Variants in PKNOX2 observed in about 807,000 individuals in gnomAD.
PKNOX2 encodes homeobox protein PKNOX2.
PKNOX2 carries 14 observed loss-of-function variants against 53.1 expected under a neutral mutation model. That is an observed-to-expected ratio of 0.26 (90% CI 0.17 to 0.41). PKNOX2 has a LOEUF of 0.41. Among genes scored for constraint, PKNOX2 ranks in the 10% least tolerant of loss-of-function variants. The pLI is 1.00. For missense variants in PKNOX2, 496 were observed against 602.8 expected (o/e 0.82, Z 1.85); for synonymous variants, 257 against 242.8 (o/e 1.06, Z -0.54).
At chr11:125,232,473 C>T (rs1310169391) in intron 1 of PKNOX2, among the ~76,000 whole-genome samples, 1 of 152,212 alleles carries the variant, frequency 6.6e-6, no homozygotes, top group Non-Finnish European at 1.5e-5. Flanking sequence ...ACATGAAAAA[C>T]AGGCACAGGG....
intron 5 of PKNOX2, among the ~76,000 whole-genome samples, chr11:125,383,373 G>T (rs1345848975): frequency 6.6e-6 from 1 of 151,266 alleles, no homozygotes. Flanking sequence ...ACTTTGGGAG[G>T]CCAAGGCAGG....
intron 1 of PKNOX2, among the ~76,000 whole-genome samples, chr11:125,217,276 T>C (rs1454576770): frequency 6.6e-6 from 1 of 152,114 alleles, no homozygotes; most frequent in Non-Finnish European, 1.5e-5. Context: ...TCTGGACACC[T>C]TATTAGGCTT....
intron 1 of PKNOX2, among the ~76,000 whole-genome samples, chr11:125,234,741 CT>C (rs34260061): frequency 0.28 from 42,632 of 151,998 alleles, 7,059 homozygotes; most frequent in East Asian, 0.5. Flanking sequence ...AACCATGAGG[CT>C]TTTTTTCTCC....
At chr11:125,201,683 T>G (rs1938457686) in intron 1 of PKNOX2, among the ~76,000 whole-genome samples, 1 of 152,148 alleles carries the variant, frequency 6.6e-6, no homozygotes, top group African/African-American at 2.4e-5. Context: ...TCCGACACCA[T>G]CAGGAAAGCC....
chr11:125,183,689 AAG>A lies in PKNOX2; in HGVS notation c.-201+18915_-201+18916del, dbSNP rs151009368. The stretch of plus-strand genomic sequence containing the variant: ...CTCTTTTAAATGGTCACACTAAACT[AAG>A]AAGATAAACACCATTTCTAAAGACA... On this transcript the variant is annotated intron_variant, in intron 1 of 12. Coordinates refer to ENST00000298282, the MANE Select transcript of PKNOX2 (RefSeq NM_001382323.2). 4.8e-3 allele frequency among the ~76,000 whole-genome samples: 725 copies of A among 152,088 alleles called. 1 individual carries two copies. The highest frequency in any genetic ancestry group is 7.0e-3 in the Non-Finnish European group (473 of 67,970).
chr11:125,429,120 A>C, intron 11 of PKNOX2, 32 bp downstream of exon 11: 1 of 1,565,344 alleles, frequency 6.4e-7, no homozygotes, highest in Middle Eastern at 1.7e-4. Context: ...GCAGGCTCCC[A>C]GATCCAGGGG....
intron 1 of PKNOX2, among the ~76,000 whole-genome samples, chr11:125,188,859 T>G (rs1956611984): frequency 6.6e-6 from 1 of 150,958 alleles, no homozygotes; most frequent in Admixed American, 6.6e-5. Context: ...TGCGCCGCCT[T>G]TTTTTTTTCT....
chr11:125,191,245 G>A (rs60223093), intron 1 of PKNOX2: 3 of 152,312 alleles, frequency 2.0e-5, no homozygotes, highest in South Asian at 2.1e-4. Context: ...GATGGCAGAG[G>A]CAGGATTCAA....
chr11:125,284,433 G>A (rs979982337), intron 2 of PKNOX2, among the ~76,000 whole-genome samples: 9 of 152,306 alleles, frequency 5.9e-5, no homozygotes, highest in African/African-American at 2.2e-4. Flanking sequence ...TGTGGTGCGT[G>A]TTAGCGCCAA....
At chr11:125,338,367 C>T (rs1374285379) in intron 3 of PKNOX2, among the ~76,000 whole-genome samples, 1 of 152,210 alleles carries the variant, frequency 6.6e-6, no homozygotes, top group African/African-American at 2.4e-5. Flanking sequence ...CCACAAAGCA[C>T]AGGCTCTCAC....
In PKNOX2 at chr11:125,166,141, G is replaced by A. The variant is rs914128053; in HGVS notation, c.-201+1365G>A. Reference sequence around the variant, plus strand: ...GGGGCCGATAAGTAGTTTACACGCCGGCCAGAGCAGAGGGCTGGAGGTCGG... The same window carrying A: ...GGGGCCGATAAGTAGTTTACACGCCAGCCAGAGCAGAGGGCTGGAGGTCGG... On this transcript the variant is annotated intron_variant, in intron 1 of 12. Transcript: ENST00000298282. This position sits in a 1 kb window ranked among gnomAD's most constrained non-coding sequence, Gnocchi z 4.0. Among the ~76,000 whole-genome samples the A allele has an allele frequency of 6.6e-6, 1 of 152,126 alleles. No individual in the cohort carries two copies. Among genetic ancestry groups the A allele is most frequent in the Admixed American group, 6.5e-5 (1 of 15,284 alleles).
intron 10 of PKNOX2, among the ~76,000 whole-genome samples, chr11:125,428,147 G>C (rs968819554): frequency 1.3e-5 from 2 of 152,166 alleles, no homozygotes; most frequent in Admixed American, 6.5e-5. Flanking sequence ...CAGTATCCCA[G>C]TGCCGTCATG....
rs1565519882 is a variant in PKNOX2, at chr11:125,411,496, CTCTCTCTCTCTCT to C, written c.817-249_817-237del. On this transcript the variant is annotated intron_variant, in intron 9 of 12. Transcript: ENST00000298282. ...TCTCTCTCTCTCTCTCTCTCTCTCT[CTCTCTCTCTCTCT>C]CCCCCCCTTCCCCATCTCTTCCTCC... 845 of 460,576 alleles carry C rather than the reference CTCTCTCTCTCTCT, an allele frequency of 1.8e-3. 9 individuals are homozygous for C. The highest frequency in any genetic ancestry group is 0.016 in the African/African-American group (754 of 48,544). The allele number at this position is 460,576 out of a possible 1,614,324, so 28.5% of individuals were successfully genotyped here.
chr11:125,200,531 C>T (rs1380954211), intron 1 of PKNOX2, among the ~76,000 whole-genome samples: 1 of 152,294 alleles, frequency 6.6e-6, no homozygotes, highest in Non-Finnish European at 1.5e-5. Flanking sequence ...TGCACCATGC[C>T]GCCCCCTGAG....
At chr11:125,236,625 C>T (rs1942722988) in intron 2 of PKNOX2, among the ~76,000 whole-genome samples, 1 of 152,208 alleles carries the variant, frequency 6.6e-6, no homozygotes, top group African/African-American at 2.4e-5. Context: ...GGCAGGGACA[C>T]AGCCTTGGGC....
intron 2 of PKNOX2, among the ~76,000 whole-genome samples, chr11:125,313,468 T>C (rs1382879488): frequency 6.6e-6 from 1 of 152,090 alleles, no homozygotes; most frequent in African/African-American, 2.4e-5. Context: ...CCTCAAGGAG[T>C]TCCTGGAATC....
At chr11:125,181,100 T>C (rs1956133430) in intron 1 of PKNOX2, among the ~76,000 whole-genome samples, 1 of 152,244 alleles carries the variant, frequency 6.6e-6, no homozygotes, top group African/African-American at 2.4e-5. Context: ...GAAAACTTTA[T>C]GCCTATTAAC....
chr11:125,206,755 C>T (rs887463739), intron 1 of PKNOX2, among the ~76,000 whole-genome samples: 1 of 152,086 alleles, frequency 6.6e-6, no homozygotes, highest in Non-Finnish European at 1.5e-5. Flanking sequence ...AGCTAACAGA[C>T]GTCTTGGAGC....
intron 4 of PKNOX2, among the ~76,000 whole-genome samples, chr11:125,354,466 A>G (rs1340732830): frequency 2.0e-5 from 3 of 152,162 alleles, no homozygotes; most frequent in South Asian, 2.1e-4. Flanking sequence ...ACAGGCAACA[A>G]ATGGGCAGTC....
Sources: gnomAD v4.1 joint callset for allele counts (sites outside exome capture counted in the v4.1 genomes callset) on GRCh38, gnomAD v4.1.1 for gene constraint, Gnocchi (gnomAD v3.1) non-coding constraint, MANE v1.5 for transcripts, NCBI Gene and HGNC (gene_info 2026-07-23, HGNC 2026-07-21) for gene names.